NHS: variants seen among roughly 807,000 people sequenced by gnomAD.
NHS encodes the protein NHS actin remodeling regulator, also known as actin remodeling regulator NHS.
Under a neutral mutation model 72.5 loss-of-function variants are expected in NHS, and 5 were observed. The ratio of observed to expected loss-of-function variants is 0.07; its 90% CI spans 0.04 to 0.14. NHS has a LOEUF of 0.14. NHS is among the 10% of genes least tolerant of loss of function. The probability of loss-of-function intolerance (pLI) is 1.00; values close to 1 mark genes in which losing one functional copy is unlikely to be tolerated. For synonymous variants in NHS, 464 were observed against 547.7 expected (o/e 0.85, Z 2.13); for missense variants, 1,072 against 1,355.7 (o/e 0.79, Z 3.29).
At chrX:17,643,276 TTTTCTTTC>T (rs746472098) in intron 1 of NHS, among the ~76,000 whole-genome samples, 6 of 111,702 alleles carry the variant, frequency 5.4e-5, no homozygotes, top group African/African-American at 1.6e-4. Context: ...TTGTGTGTGT[TTTTCTTTC>T]TTTCTTTCTT....
rs766662277 is a variant in NHS, at chrX:17,521,366, C to CTTTTTTTTTTTTTTT, written c.565+145057_565+145058insTTTTTTTTTTTTTTT. 5.3e-4 allele frequency among the ~76,000 whole-genome samples: 52 copies of CTTTTTTTTTTTTTTT among 97,332 alleles called. 6 individuals carry two copies. Among genetic ancestry groups the CTTTTTTTTTTTTTTT allele is most frequent in the African/African-American group, 2.2e-3 (50 of 23,145 alleles). The allele number at this position is 97,332 out of a possible 115,157, so 84.5% of individuals were successfully genotyped here. ...AGTTCTACCTTTTTCTCCCTTCCCT[C>CTTTTTTTTTTTTTTT]TTTTTTTTTTTTTGAGACAGGGTCT... is the stretch of plus-strand genomic sequence containing the variant. On this transcript the variant is annotated intron_variant, in intron 1 of 8. Coordinates refer to ENST00000676302, the MANE Select transcript of NHS (RefSeq NM_001291867.2).
chrX:17,668,787 A>T (rs1158668232), intron 1 of NHS, among the ~76,000 whole-genome samples: 1 of 111,162 alleles, frequency 9.0e-6, no homozygotes, highest in Non-Finnish European at 1.9e-5. Context: ...GATCTAAGAA[A>T]GGTATGCTAT....
intron 1 of NHS, among the ~76,000 whole-genome samples, chrX:17,579,906 C>T (rs964951034): frequency 6.3e-5 from 7 of 110,946 alleles, no homozygotes; most frequent in African/African-American, 2.0e-4. Flanking sequence ...AGATTCCTCC[C>T]GGCCTTGGTG....
intron 1 of NHS, among the ~76,000 whole-genome samples, chrX:17,424,725 T>C (rs914954380): frequency 8.9e-6 from 1 of 112,383 alleles, no homozygotes; most frequent in African/African-American, 3.2e-5. Context: ...GTTTCTCTGC[T>C]CATTGATCTT....
chrX:17,512,782 T>G (rs2065096535), intron 1 of NHS, among the ~76,000 whole-genome samples: 1 of 92,413 alleles, frequency 1.1e-5, no homozygotes, highest in Non-Finnish European at 2.1e-5. Flanking sequence ...TTGCAGGGCT[T>G]GCTTCTAAAC....
chrX:17,447,842 C>A (rs182114384), intron 1 of NHS, among the ~76,000 whole-genome samples: 93 of 108,904 alleles, frequency 8.5e-4, no homozygotes, highest in African/African-American at 3.0e-3. Flanking sequence ...GTTCTTTCTT[C>A]TTTAATTGTA....
chrX:17,482,165 C>T (rs778080842), intron 1 of NHS, among the ~76,000 whole-genome samples: 39 of 111,966 alleles, frequency 3.5e-4, no homozygotes, highest in Non-Finnish European at 6.6e-4. Flanking sequence ...ACTGCTTCAT[C>T]ACATGTTCCT....
intron 2 of NHS, among the ~76,000 whole-genome samples, chrX:17,688,775 G>C (rs1208828431): frequency 1.8e-5 from 2 of 112,186 alleles, no homozygotes; most frequent in Non-Finnish European, 3.8e-5. Context: ...GAGAAAGCTA[G>C]AGATAGGCTC....
At chrX:17,691,894 A>G (rs1162052316) in intron 2 of NHS, among the ~76,000 whole-genome samples, 2 of 112,214 alleles carry the variant, frequency 1.8e-5, no homozygotes, top group African/African-American at 6.5e-5. Context: ...ATTCCTGAAT[A>G]TGTAGCAATC....
intron 1 of NHS, among the ~76,000 whole-genome samples, chrX:17,543,578 A>G (rs1385316931): frequency 8.9e-6 from 1 of 112,366 alleles, no homozygotes; most frequent in Non-Finnish European, 1.9e-5. Context: ...CTTCTCTTGT[A>G]CAGAGGTCAT....
At chrX:17,608,928 G>A (rs1172514981) in intron 1 of NHS, among the ~76,000 whole-genome samples, 6 of 112,040 alleles carry the variant, frequency 5.4e-5, no homozygotes, top group Admixed American at 2.9e-4. Flanking sequence ...TTTTAAAGAC[G>A]GAATCAGATA....
intron 3 of NHS, among the ~76,000 whole-genome samples, chrX:17,718,487 GA>G (rs1170693469): frequency 6.3e-5 from 6 of 94,626 alleles, no homozygotes; most frequent in Non-Finnish European, 1.3e-4. Context: ...AGAAAGGAAG[GA>G]AGGGAGGGAA....
At chrX:17,687,485 G>A in intron 1 of NHS, 1 of 415,802 alleles carries the variant, frequency 2.4e-6, no homozygotes, top group Non-Finnish European at 4.3e-6. Flanking sequence ...AAGGTACGGA[G>A]AGGAAATTAG....
intron 1 of NHS, among the ~76,000 whole-genome samples, chrX:17,590,568 C>T (rs2065598443): frequency 9.0e-6 from 1 of 111,201 alleles, no homozygotes; most frequent in African/African-American, 3.3e-5. Flanking sequence ...AAACAAACAC[C>T]ATAAATGGAA....
At chrX:17,404,646 C>A (rs188924509) in intron 1 of NHS, among the ~76,000 whole-genome samples, 1 of 111,126 alleles carries the variant, frequency 9.0e-6, no homozygotes, top group East Asian at 2.8e-4. Flanking sequence ...AGATTCATTG[C>A]CATGGCCCCA....
At position 17,376,073 on chromosome X, in the gene NHS, G is replaced by A; in HGVS notation, c.316G>A (p.Ala106Thr). The A allele has an allele frequency of 9.4e-7, 1 of 1,058,571 alleles. No individual in the cohort carries two copies. The highest frequency in any genetic ancestry group is 1.2e-6 in the Non-Finnish European group (1 of 830,417). The allele number at this position is 1,058,571 out of a possible 1,213,427, so 87.2% of individuals were successfully genotyped here. A position where few individuals can be genotyped will look rare whatever the true frequency, so the allele number is the denominator to read the frequency against. Reference sequence around the variant, plus strand: ...GGGGATCCCGGAGGCGGCGCCCGCAGCCGGCGAGGCGTCCTCGGCGGCGGC... The same window carrying A: ...GGGGATCCCGGAGGCGGCGCCCGCAACCGGCGAGGCGTCCTCGGCGGCGGC... ...TAGIPEAAPAAGEASSAAAAA... is the reference protein window; with the variant it reads ...TAGIPEAAPATGEASSAAAAA... The change falls in exon 1 of 9, where the codon GCC becomes ACC. Residue 106 changes from alanine (A) to threonine (T), a missense_variant. Physicochemically the swap from Ala to Thr is moderately conservative, Grantham distance 58. Coordinates refer to ENST00000676302, the MANE Select transcript of NHS (RefSeq NM_001291867.2).
rs1569310232 is a variant in NHS, at chrX:17,692,358, C to T, written c.742C>T (p.Arg248Ter). 8.3e-7 allele frequency: 1 copy of T among 1,211,021 alleles called. No individual in the cohort carries two copies. Among genetic ancestry groups the T allele is most frequent in the Non-Finnish European group, 1.1e-6 (1 of 895,345 alleles). ...RREHRSRSDR[R>*]EQRAAAPLSI... ...AGAACACCGGAGCCGGAGCGATCGC[C>T]GAGAGCAAAGAGCAGCTGCCCCCCT... The change falls in exon 3 of 9, where the codon CGA becomes TGA. Residue 248 changes from arginine to a stop codon, truncating the protein, a stop_gained. Transcript: ENST00000676302. LOFTEE classifies it high-confidence loss of function.
intron 1 of NHS, among the ~76,000 whole-genome samples, chrX:17,533,131 T>C (rs1441770772): frequency 9.1e-6 from 1 of 110,151 alleles, no homozygotes; most frequent in African/African-American, 3.3e-5. Context: ...CACACAGGAG[T>C]GTGGGGGCAG....
chrX:17,520,138 A>G (rs768102476), intron 1 of NHS, among the ~76,000 whole-genome samples: 18 of 112,068 alleles, frequency 1.6e-4, no homozygotes, highest in African/African-American at 5.2e-4. Flanking sequence ...GTGGACATTT[A>G]AAACTTGGCT....
Sources: allele counts gnomAD v4.1 joint callset (sites outside exome capture counted in the v4.1 genomes callset), GRCh38; gene constraint gnomAD v4.1.1; transcripts MANE v1.5; gene names NCBI Gene and HGNC (gene_info 2026-07-23, HGNC 2026-07-21).